The following PTPRG variants were observed in gnomAD, a reference collection of about 807,000 sequenced individuals.
The protein encoded by PTPRG is protein tyrosine phosphatase receptor type G.
A neutral mutation model predicts 165.3 loss-of-function variants in PTPRG; 102 were observed. The observed-to-expected ratio is 0.62, with a 90% CI of 0.53 to 0.73. The LOEUF (loss-of-function observed/expected upper bound fraction) is 0.73, where lower values mean the gene tolerates loss of function less well. Ranked by LOEUF, PTPRG falls within the 30% of genes least tolerant of loss-of-function variation. The probability of loss-of-function intolerance (pLI) is 0.00; values close to 1 mark genes in which losing one functional copy is unlikely to be tolerated. For synonymous variants in PTPRG, 675 were observed against 669.5 expected, an observed-to-expected ratio of 1.01 and a Z score of -0.13; for missense variants, 1,866 against 1,861.4, an observed-to-expected ratio of 1.00 and a Z score of -0.05.
At chr3:62,165,654 C>A (rs1704943532) in intron 7 of PTPRG, among the ~76,000 whole-genome samples, 1 of 152,124 alleles carries the variant, frequency 6.6e-6, no homozygotes, top group Admixed American at 6.5e-5. Context: ...GGCTTTTAGG[C>A]TGGTTGTGAA....
intron 2 of PTPRG, among the ~76,000 whole-genome samples, chr3:61,921,895 C>A (rs191672864): frequency 4.0e-4 from 61 of 152,242 alleles, no homozygotes; most frequent in African/African-American, 1.4e-3. Context: ...TTTATTAAAC[C>A]ATGCCTTAAC....
intron 2 of PTPRG, among the ~76,000 whole-genome samples, chr3:61,806,028 C>T (rs2035403805): frequency 6.6e-6 from 1 of 152,028 alleles, no homozygotes; most frequent in Admixed American, 6.5e-5. Context: ...TATATGGTGA[C>T]CTAATTTGGT....
intron 1 of PTPRG, among the ~76,000 whole-genome samples, chr3:61,657,366 G>C (rs1454142027): frequency 1.3e-5 from 2 of 152,134 alleles, no homozygotes; most frequent in African/African-American, 4.8e-5. Context: ...GAGAGGACCA[G>C]AGAGACCATC....
chr3:61,969,325 G>A lies in PTPRG; in HGVS notation c.191-20300G>A, dbSNP rs201134141. On this transcript the variant is annotated intron_variant, in intron 2 of 29. Coordinates refer to ENST00000474889, the MANE Select transcript of PTPRG (RefSeq NM_002841.4). Reference sequence around the variant, plus strand: ...AGTACATGTAAGGTCTGGGGTAGAGGGAACCTTGAATGAATATTTGCATCA... The same window carrying A: ...AGTACATGTAAGGTCTGGGGTAGAGAGAACCTTGAATGAATATTTGCATCA... 9.9e-5 allele frequency among the ~76,000 whole-genome samples: 15 copies of A among 152,134 alleles called. No individual in the cohort carries two copies. The East Asian group carries it at 2.9e-3, about 29-fold the overall frequency.
chr3:61,865,198 C>G (rs994389008), intron 2 of PTPRG, among the ~76,000 whole-genome samples: 3 of 152,100 alleles, frequency 2.0e-5, no homozygotes, highest in African/African-American at 7.2e-5. Flanking sequence ...GGGGTTAATA[C>G]TGGGCTTATT....
At chr3:62,019,109 G>A (rs966919546) in intron 4 of PTPRG, among the ~76,000 whole-genome samples, 8 of 152,134 alleles carry the variant, frequency 5.3e-5, no homozygotes, top group South Asian at 2.1e-4. Flanking sequence ...AGCTAACCAG[G>A]TGCTCATCTG....
At chr3:61,982,691 T>C (rs569938417) in intron 2 of PTPRG, among the ~76,000 whole-genome samples, 1 of 152,258 alleles carries the variant, frequency 6.6e-6, no homozygotes, top group African/African-American at 2.4e-5. Flanking sequence ...TACCCTCCTT[T>C]TCCAGAACAG....
chr3:61,588,880 T>C (rs1254306431), intron 1 of PTPRG, among the ~76,000 whole-genome samples: 1 of 152,222 alleles, frequency 6.6e-6, no homozygotes, highest in Non-Finnish European at 1.5e-5. Context: ...TGCTGGAGAC[T>C]TCTGCAACAA....
At chr3:61,699,830 G>A (rs1197006719) in intron 1 of PTPRG, among the ~76,000 whole-genome samples, 1 of 152,142 alleles carries the variant, frequency 6.6e-6, no homozygotes, top group Non-Finnish European at 1.5e-5. Context: ...TGATGACAAA[G>A]AAGCCTAAAA....
intron 2 of PTPRG, among the ~76,000 whole-genome samples, chr3:61,947,142 T>C (rs1273150381): frequency 2.0e-5 from 3 of 152,280 alleles, no homozygotes; most frequent in African/African-American, 4.8e-5. Context: ...TCCAGCTTAA[T>C]CACGTGGGCA....
In PTPRG at chr3:62,214,626, G is replaced by A. The variant is rs960606841; in HGVS notation, c.2156-4225G>A. On this transcript the variant is annotated intron_variant, in intron 12 of 29. Transcript: ENST00000474889. The surrounding 1 kb of genome is among the most constrained non-coding windows in gnomAD (Gnocchi z 5.2). ...GAGTAACAAAAGAGCGATTATAATTGAGTATGATGTGTGCAGTAAGAGCAA... is the reference window on the plus strand; with the variant it reads ...GAGTAACAAAAGAGCGATTATAATTAAGTATGATGTGTGCAGTAAGAGCAA... Among the ~76,000 whole-genome samples, 4 of 152,132 alleles carry A rather than the reference G, an allele frequency of 2.6e-5. No homozygotes were observed. The highest frequency in any genetic ancestry group is 4.4e-5 in the Non-Finnish European group (3 of 68,028).
intron 8 of PTPRG, among the ~76,000 whole-genome samples, chr3:62,168,966 A>G (rs79170295): frequency 2.7e-3 from 418 of 152,212 alleles, no homozygotes; most frequent in African/African-American, 9.5e-3. Flanking sequence ...GAGTTCGGCC[A>G]TTCGGTGGGC....
Position 61,691,937 on chromosome 3 carries a change from A to T in PTPRG, c.86-56941A>T, listed in dbSNP as rs139218796. On this transcript the variant is annotated intron_variant, in intron 1 of 29. Transcript: ENST00000474889. ...GGGAGGATAAAAAGGGGATGTTTAC[A>T]TCACACACGGGTCGAAGACAAATAC... Among the ~76,000 whole-genome samples the T allele has an allele frequency of 7.9e-5, 12 of 152,356 alleles. No homozygotes were observed. The East Asian group carries it at 2.1e-3, about 27-fold the overall frequency.
intron 6 of PTPRG, among the ~76,000 whole-genome samples, chr3:62,136,336 A>T (rs898349152): frequency 2.0e-5 from 3 of 152,164 alleles, no homozygotes; most frequent in Non-Finnish European, 4.4e-5. Context: ...AACTTTGGTG[A>T]TTGGAGGTGG....
At chr3:62,118,424 C>A (rs1445461184) in intron 5 of PTPRG, 1 of 152,110 alleles carries the variant, frequency 6.6e-6, no homozygotes, top group Non-Finnish European at 1.5e-5. Flanking sequence ...TAATTTGAAC[C>A]AAGGCAACCT....
intron 2 of PTPRG, among the ~76,000 whole-genome samples, chr3:61,839,940 T>C (rs1488435291): frequency 6.6e-6 from 1 of 152,214 alleles, no homozygotes; most frequent in South Asian, 2.1e-4. Context: ...GTGTGTATTT[T>C]ATGTGGTACT....
At chr3:62,052,234 C>T (rs568384497) in intron 4 of PTPRG, among the ~76,000 whole-genome samples, 10 of 152,124 alleles carry the variant, frequency 6.6e-5, no homozygotes, top group Non-Finnish European at 1.2e-4. Context: ...TCATTTTCAC[C>T]GCATCACTTT....
At chr3:62,017,469 G>C (rs1352689314) in intron 4 of PTPRG, among the ~76,000 whole-genome samples, 1 of 151,280 alleles carries the variant, frequency 6.6e-6, no homozygotes, top group South Asian at 2.1e-4. Context: ...AGGCTGGAGT[G>C]CAGTGGCGCT....
At chr3:61,790,140 A>G (rs1219386760) in intron 2 of PTPRG, among the ~76,000 whole-genome samples, 1 of 152,154 alleles carries the variant, frequency 6.6e-6, no homozygotes, top group Non-Finnish European at 1.5e-5. Context: ...TGTCATGGGC[A>G]GTGGAGTACA....
Sources: gnomAD v4.1 joint callset for allele counts (sites outside exome capture counted in the v4.1 genomes callset) on GRCh38, gnomAD v4.1.1 for gene constraint, Gnocchi (gnomAD v3.1) non-coding constraint, MANE v1.5 for transcripts, NCBI Gene and HGNC (gene_info 2026-07-23, HGNC 2026-07-21) for gene names.